The following MANBA variants were observed in gnomAD, a reference collection of about 807,000 sequenced individuals.
MANBA encodes the protein beta-mannosidase.
MANBA carries 83 observed loss-of-function variants against 111.1 expected under a neutral mutation model. That is an observed-to-expected ratio of 0.75 (90% CI 0.63 to 0.90). The LOEUF is 0.90. MANBA is among the 40% of genes least tolerant of loss of function. MANBA has a pLI of 0.00. For missense variants in MANBA, 1,036 were observed against 1,069.0 expected, an observed-to-expected ratio of 0.97 and a Z score of 0.43; for synonymous variants, 370 against 378.7, an observed-to-expected ratio of 0.98 and a Z score of 0.27.
chr4:102,673,081 T>C (rs1207404721), intron 8 of MANBA, among the ~76,000 whole-genome samples: 1 of 152,188 alleles, frequency 6.6e-6, no homozygotes, highest in African/African-American at 2.4e-5. Flanking sequence ...ATCTGCTACA[T>C]TGTATCCTCT....
intron 1 of MANBA, chr4:102,734,374 A>G (rs1313110535): frequency 6.2e-7 from 1 of 1,609,776 alleles, no homozygotes; most frequent in African/African-American, 1.3e-5. Flanking sequence ...TCTGACCTAG[A>G]CTTCTCACCT....
chr4:102,701,558 G>C (rs1455985389), intron 5 of MANBA, among the ~76,000 whole-genome samples: 1 of 151,750 alleles, frequency 6.6e-6, no homozygotes, highest in Non-Finnish European at 1.5e-5. Flanking sequence ...AGGCCTGGTG[G>C]TGACAAAATC....
At chr4:102,672,761 C>T (rs530913812) in intron 8 of MANBA, among the ~76,000 whole-genome samples, 14 of 152,232 alleles carry the variant, frequency 9.2e-5, no homozygotes, top group African/African-American at 2.2e-4. Flanking sequence ...ACTGTGCATG[C>T]GAAGGATACA....
chr4:102,714,935 C>T (rs1722259955), intron 4 of MANBA, among the ~76,000 whole-genome samples: 1 of 152,110 alleles, frequency 6.6e-6, no homozygotes, highest in Non-Finnish European at 1.5e-5. Context: ...TCTTAATCAC[C>T]CCTTAAAGAC....
At chr4:102,747,390 C>G (rs930734164) in intron 1 of MANBA, among the ~76,000 whole-genome samples, 3 of 152,126 alleles carry the variant, frequency 2.0e-5, no homozygotes, top group Admixed American at 1.3e-4. Flanking sequence ...GCTTTTTATT[C>G]TGGCTTTGCT....
At chr4:102,718,741 T>C (rs532896868) in intron 4 of MANBA, among the ~76,000 whole-genome samples, 17 of 152,294 alleles carry the variant, frequency 1.1e-4, no homozygotes, top group Admixed American at 1.1e-3. Context: ...TTTCCCTAAG[T>C]GTCAGCCAGT....
intron 8 of MANBA, among the ~76,000 whole-genome samples, chr4:102,673,507 CAAA>C (rs879403766): frequency 1.8e-5 from 2 of 112,500 alleles, no homozygotes; most frequent in Admixed American, 9.7e-5. Flanking sequence ...GACTCCATCT[CAAA>C]AAAAAAAAAA....
rs1724070208 is a variant in MANBA at position 102,757,425 on chromosome 4, C to G, written c.177+3293G>C. 2.0e-5 allele frequency among the ~76,000 whole-genome samples: 3 copies of G among 152,004 alleles called. No individual in the cohort carries two copies. The South Asian group carries it at 6.2e-4, about 32-fold the overall frequency. On this transcript the variant is annotated intron_variant, in intron 1 of 16. Coordinates refer to ENST00000647097, the MANE Select transcript of MANBA (RefSeq NM_005908.4). ...AAGGTTTAGATTCTGTACAGAAAACCCAGAGAATCACCTAGGAAATAGCCA... is the reference window on the plus strand; with the variant it reads ...AAGGTTTAGATTCTGTACAGAAAACGCAGAGAATCACCTAGGAAATAGCCA...
intron 1 of MANBA, chr4:102,729,456 G>T: frequency 7.8e-7 from 1 of 1,287,670 alleles, no homozygotes; most frequent in Non-Finnish European, 1.1e-6. Context: ...ATGTGTCCGA[G>T]ATCTGGGACT....
intron 5 of MANBA, among the ~76,000 whole-genome samples, chr4:102,711,003 G>A (rs2167456): frequency 0.027 from 4,099 of 151,970 alleles, 124 homozygotes; most frequent in African/African-American, 0.075. Flanking sequence ...GACCTGAAAC[G>A]ATAAAACTAC....
At chr4:102,752,045 G>C in intron 1 of MANBA, 2 of 752,824 alleles carry the variant, frequency 2.7e-6, no homozygotes, top group South Asian at 1.3e-5. Context: ...CTAAAGATCT[G>C]GTCTACAGTC....
intron 5 of MANBA, among the ~76,000 whole-genome samples, chr4:102,699,504 T>A (rs1001140523): frequency 6.0e-5 from 9 of 150,442 alleles, no homozygotes; most frequent in Admixed American, 5.9e-4. Flanking sequence ...TTGTCATAGA[T>A]AGCTCTTATT....
intron 1 of MANBA, chr4:102,734,682 T>G: frequency 9.1e-7 from 1 of 1,100,960 alleles, no homozygotes; most frequent in Non-Finnish European, 1.3e-6. Context: ...TGGGAATCTA[T>G]ATCCTGTTCC....
In MANBA at chr4:102,689,466, T is replaced by A. The variant is rs78612967; in HGVS notation, c.960+108A>T. On this transcript the variant is annotated intron_variant, in intron 7 of 16. Coordinates refer to ENST00000647097, the MANE Select transcript of MANBA (RefSeq NM_005908.4). ...GTTACTAAAGATGATCTCTGATGGG[T>A]GGGGACACAAGAGTTTTGACGGTTT... The A allele has an allele frequency of 2.9e-3, 2,017 of 685,120 alleles. 39 individuals are homozygous for A. In the African/African-American group the frequency reaches 0.032, roughly 11 times the overall value. The allele number at this position is 685,120 out of a possible 1,614,324, so 42.4% of individuals were successfully genotyped here.
intron 5 of MANBA, among the ~76,000 whole-genome samples, chr4:102,705,126 T>C (rs1733238182): frequency 6.6e-6 from 1 of 152,118 alleles, no homozygotes; most frequent in Non-Finnish European, 1.5e-5. Context: ...GAACCCTGCT[T>C]AGCAGGGACC....
intron 1 of MANBA, among the ~76,000 whole-genome samples, chr4:102,747,173 A>ATATATATATATAT: frequency 2.0e-5 from 3 of 151,502 alleles, no homozygotes; most frequent in African/African-American, 4.9e-5. Context: ...ATATATATAT[A>ATATATATATATAT]AAGGGGAGTT....
intron 1 of MANBA, chr4:102,730,649 T>A (rs1487452016): frequency 3.7e-6 from 2 of 540,760 alleles, no homozygotes; most frequent in African/African-American, 3.8e-5. Context: ...AGCTCAGTAG[T>A]CAGCTCAGTG....
At chr4:102,653,092 G>A (rs1730407858) in intron 12 of MANBA, among the ~76,000 whole-genome samples, 1 of 152,082 alleles carries the variant, frequency 6.6e-6, no homozygotes, top group African/African-American at 2.4e-5. Context: ...GGTTAAAATG[G>A]TCTATACTAA....
intron 4 of MANBA, chr4:102,722,278 T>C (rs144382139): frequency 1.1e-4 from 18 of 157,296 alleles, no homozygotes; most frequent in East Asian, 1.9e-4. Context: ...GTACAGTTTA[T>C]ACAATTAAAA....
Sources: gnomAD v4.1 joint callset for allele counts (sites outside exome capture counted in the v4.1 genomes callset) on GRCh38, gnomAD v4.1.1 for gene constraint, MANE v1.5 for transcripts, NCBI Gene and HGNC (gene_info 2026-07-23, HGNC 2026-07-21) for gene names.